APOBEC3B: variants seen among roughly 807,000 people sequenced by gnomAD.
The protein encoded by APOBEC3B is apolipoprotein B mRNA editing enzyme catalytic subunit 3B, also known as DNA dC->dU-editing enzyme APOBEC-3B.
In APOBEC3B, 29 loss-of-function variants were observed where a neutral mutation model predicts 53.4. The observed-to-expected ratio is 0.54, with a 90% CI of 0.40 to 0.74. The LOEUF is 0.74. Ranked by LOEUF, APOBEC3B falls within the 30% of genes least tolerant of loss-of-function variation. The pLI, the probability that APOBEC3B is intolerant of heterozygous loss-of-function variation, is 0.00. For synonymous variants in APOBEC3B, 132 were observed against 184.8 expected (o/e 0.71, Z 2.32); for missense variants, 347 against 496.2 (o/e 0.70, Z 2.86).
At position 38,985,215 on chromosome 22, in the gene APOBEC3B, GT is replaced by G. The variant is rs918043916; in HGVS notation, c.175-590del. Among the ~76,000 whole-genome samples, 7 of 147,606 alleles carry G rather than the reference GT, an allele frequency of 4.7e-5. 1 individual carries two copies. Among genetic ancestry groups the G allele is most frequent in the Non-Finnish European group, 8.9e-5 (6 of 67,080 alleles). On this transcript the variant is annotated intron_variant, in intron 2 of 7. Transcript: ENST00000333467. ...GCACCTGGCCACTTCCCACAGTTCT[GT>G]TTTTTTGTTTTGTTTTGTTTTGGTT... is the stretch of plus-strand genomic sequence containing the variant.
At chr22:38,988,683 C>CTCTCTTTCTTTCTTTCCT (rs1555894372) in intron 4 of APOBEC3B, among the ~76,000 whole-genome samples, 1 of 47,512 alleles carries the variant, frequency 2.1e-5, no homozygotes, top group Non-Finnish European at 3.9e-5. Flanking sequence ...TTCTCTCTTT[C>CTCTCTTTCTTTCTTTCCT]TCTTTCTTTC....
chr22:38,984,622 A>T lies in APOBEC3B; in HGVS notation c.174+391A>T, dbSNP rs561457775. On this transcript the variant is annotated intron_variant, in intron 2 of 7. Transcript: ENST00000333467. The stretch of plus-strand genomic sequence containing the variant: ...AAGGAATTTGTCTTTTTTTTAAAAA[A>T]TTTTTTTAAAATTTTCTTCAACCTT... 1.1e-3 allele frequency among the ~76,000 whole-genome samples: 164 copies of T among 148,450 alleles called. 13 individuals carry two copies. The highest frequency in any genetic ancestry group is 3.5e-3 in the African/African-American group (144 of 40,908).
Position 38,985,831 on chromosome 22 carries a change from A to C in APOBEC3B, c.194A>C (p.Tyr65Ser). 1 of 1,591,698 alleles carries C rather than the reference A, an allele frequency of 6.3e-7. No individual in the cohort carries two copies. Among genetic ancestry groups the C allele is most frequent in the South Asian group, 1.1e-5 (1 of 88,622 alleles). Residue 65 changes from tyrosine to serine, a missense_variant, in exon 3 of 8, where the codon TAC (tyrosine) becomes TCC (serine). Physicochemically the swap from Tyr to Ser is moderately radical, Grantham distance 144. Transcript: ENST00000333467. ...TCCCAGGTGTATTTCAAGCCTCAGT[A>C]CCACGCAGAAATGTGCTTCCTCTCT... Reference protein sequence around the residue: ...FRGQVYFKPQYHAEMCFLSWF... With the variant: ...FRGQVYFKPQSHAEMCFLSWF...
rs930052363 is a variant in APOBEC3B at position 38,992,682 on chromosome 22, C to T, written c.*237C>T. On this transcript the variant is annotated 3_prime_UTR_variant, in exon 8 of 8. Coordinates refer to ENST00000333467, the MANE Select transcript of APOBEC3B (RefSeq NM_004900.5). ...AGAGTAAGATTATGCTCAATATTCC[C>T]AGAATAGTTTTCAATGTATTAATGA... 5.9e-6 allele frequency: 7 copies of T among 1,192,632 alleles called. No homozygotes were observed. The South Asian group carries it at 6.6e-5, about 11-fold the overall frequency. The allele number at this position is 1,192,632 out of a possible 1,614,324, so 73.9% of individuals were successfully genotyped here. A position where few individuals can be genotyped will look rare whatever the true frequency, so the allele number is the denominator to read the frequency against.
chr22:38,983,758 G>T (rs1293853865), intron 1 of APOBEC3B, among the ~76,000 whole-genome samples: 1 of 149,142 alleles, frequency 6.7e-6, no homozygotes, highest in Non-Finnish European at 1.5e-5. Context: ...TAGGGGTGAA[G>T]GGTTTTATTC....
chr22:38,982,585 C>T (rs769594836), intron 1 of APOBEC3B, 115 bp downstream of exon 1: 1 of 1,283,658 alleles, frequency 7.8e-7, no homozygotes, highest in African/African-American at 1.5e-5. Flanking sequence ...GCTCCCTCCC[C>T]TCTGGCTCCC....
Position 38,986,082 on chromosome 22 carries a change from G to A in APOBEC3B, c.445G>A (p.Asp149Asn), listed in dbSNP as rs762560767. The A allele has an allele frequency of 1.8e-5, 29 of 1,592,232 alleles. 3 individuals are homozygous for A. Among genetic ancestry groups the A allele is most frequent in the South Asian group, 1.8e-4 (16 of 88,712 alleles). The change falls in exon 3 of 8, where the codon GAC (aspartate) becomes AAC (asparagine). Residue 149 changes from aspartate (D) to asparagine (N), a missense_variant. Asp to Asn is a conservative substitution (Grantham distance 23, BLOSUM62 1). This residue lies in a region of APOBEC3B where 156 missense variants were observed against 166.7 expected (regional missense o/e 0.94). Transcript: ENST00000333467. Reference protein sequence around the residue: ...SQAGARVTIMDYEEFAYCWEN... With the variant: ...SQAGARVTIMNYEEFAYCWEN... ...GGCAGGAGCCCGCGTGACGATCATGGACTATGAAGGTGAGAGGTGGAGGGG... is the reference window on the plus strand; with the variant it reads ...GGCAGGAGCCCGCGTGACGATCATGAACTATGAAGGTGAGAGGTGGAGGGG...
rs1194164664 is a variant in APOBEC3B, at chr22:38,988,633, C to CT, written c.570-823dup. 4.4e-4 allele frequency among the ~76,000 whole-genome samples: 64 copies of CT among 144,480 alleles called. 6 individuals carry two copies. Among genetic ancestry groups the CT allele is most frequent in the Middle Eastern group, 7.0e-3 (2 of 286 alleles). The allele number at this position is 144,480 out of a possible 152,430, so 94.8% of individuals were successfully genotyped here. On this transcript the variant is annotated intron_variant, in intron 4 of 7. Coordinates refer to ENST00000333467, the MANE Select transcript of APOBEC3B (RefSeq NM_004900.5). ...CAAACAGAGATTCCTTCCTTCCTTC[C>CT]TCCCTTCCTTCCTTCCTTCCTTCCT...
chr22:38,982,425 CA>C lies in APOBEC3B; in HGVS notation c.-28del. 1.3e-6 allele frequency: 2 copies of C among 1,593,360 alleles called. No individual in the cohort carries two copies. ...ACAGAGCTTCAAAAAAAGAGCGGGA[CA>C]GGGACAAGCGTATCTAAGAGGCTGA... On this transcript the variant is annotated 5_prime_UTR_variant, in exon 1 of 8. Transcript: ENST00000333467.
At chr22:38,987,056 G>A (rs1882852056) in intron 4 of APOBEC3B, among the ~76,000 whole-genome samples, 1 of 148,950 alleles carries the variant, frequency 6.7e-6, no homozygotes, top group Non-Finnish European at 1.5e-5. Context: ...GGGCCTGGGA[G>A]GTCACTCACA....
chr22:38,991,533 G>A lies in APOBEC3B; in HGVS notation c.925G>A (p.Ala309Thr), dbSNP rs767250819. 1.0e-5 allele frequency: 16 copies of A among 1,593,704 alleles called. 1 individual carries two copies. Among genetic ancestry groups the A allele is most frequent in the African/African-American group, 1.3e-5 (1 of 74,356 alleles). ...CACACACGTGAGACTGCGCATCTTC[G>A]CTGCCCGCATCTATGATTACGACCC... is the stretch of plus-strand genomic sequence containing the variant. ...ENTHVRLRIF[A>T]ARIYDYDPLY... Residue 309 changes from alanine to threonine, a missense_variant, in exon 6 of 8, where the codon GCT (alanine) becomes ACT (threonine). Physicochemically the swap from Ala to Thr is moderately conservative, Grantham distance 58. Transcript: ENST00000333467.
At chr22:38,990,793 G>A (rs1923960958) in intron 5 of APOBEC3B, among the ~76,000 whole-genome samples, 1 of 145,628 alleles carries the variant, frequency 6.9e-6, no homozygotes, top group South Asian at 2.3e-4. Context: ...CACTCACTCA[G>A]GGGCATCAGG....
chr22:38,982,560 C>G, intron 1 of APOBEC3B, 90 bp downstream of exon 1: 1 of 1,486,006 alleles, frequency 6.7e-7, no homozygotes, highest in Non-Finnish European at 9.2e-7. Flanking sequence ...CCCCCCGCCC[C>G]TGCCCCAGCC....
At chr22:38,986,190 G>A in intron 3 of APOBEC3B, 99 bp downstream of exon 3, 1 of 1,578,728 alleles carries the variant, frequency 6.3e-7, no homozygotes, top group South Asian at 1.2e-5. Flanking sequence ...AGGGCAGCCT[G>A]CAGGGGTGGG....
intron 4 of APOBEC3B, among the ~76,000 whole-genome samples, chr22:38,988,748 C>CTCTCTTTCTTTCTTTCTTTCTTT (rs1317657637): frequency 1.5e-5 from 1 of 65,900 alleles, no homozygotes; most frequent in African/African-American, 5.9e-5. Context: ...TTTCTTTCTT[C>CTCTCTTTCTTTCTTTCTTTCTTT]CTTTCTTCTC....
intron 2 of APOBEC3B, among the ~76,000 whole-genome samples, chr22:38,985,214 T>G (rs1239820493): frequency 3.4e-5 from 5 of 148,206 alleles, no homozygotes; most frequent in Admixed American, 1.4e-4. Context: ...CCCACAGTTC[T>G]GTTTTTTTGT....
chr22:38,988,789 A>C (rs77999851), intron 4 of APOBEC3B, among the ~76,000 whole-genome samples: 1 of 138,050 alleles, frequency 7.2e-6, no homozygotes, highest in African/African-American at 2.7e-5. Flanking sequence ...TGCTGCCTCC[A>C]AACAGAGATT....
intron 4 of APOBEC3B, among the ~76,000 whole-genome samples, chr22:38,986,795 T>C (rs903009701): frequency 6.7e-6 from 1 of 148,760 alleles, no homozygotes; most frequent in Non-Finnish European, 1.5e-5. Context: ...GGGGCACCCA[T>C]GGCATCCTGG....
At position 38,992,571 on chromosome 22, in the gene APOBEC3B, G is replaced by A. The variant is rs1924055988; in HGVS notation, c.*126G>A. 1 of 1,604,890 alleles carries A rather than the reference G, an allele frequency of 6.2e-7. No individual in the cohort carries two copies. Among genetic ancestry groups the A allele is most frequent in the Non-Finnish European group, 8.5e-7 (1 of 1,173,610 alleles). On this transcript the variant is annotated 3_prime_UTR_variant, in exon 8 of 8. Transcript: ENST00000333467. ...CCAGCTGCTCACAGACACCAGCAAAGCAATGTGCTCCTGATCAAGTAGATT... is the reference window on the plus strand; with the variant it reads ...CCAGCTGCTCACAGACACCAGCAAAACAATGTGCTCCTGATCAAGTAGATT...
Sources: allele counts gnomAD v4.1 joint callset (sites outside exome capture counted in the v4.1 genomes callset), GRCh38; gene constraint gnomAD v4.1.1; regional missense constraint gnomAD v4.1.1; transcripts MANE v1.5; gene names NCBI Gene and HGNC (gene_info 2026-07-23, HGNC 2026-07-21).